SGCZ: variants seen among roughly 807,000 people sequenced by gnomAD.
SGCZ encodes sarcoglycan zeta, also known as zeta-sarcoglycan.
In SGCZ, 40 loss-of-function variants were observed where a neutral mutation model predicts 41.3. That is an observed-to-expected ratio of 0.97 (90% CI 0.75 to 1.26). The LOEUF is 1.26. SGCZ is among the 50% of genes most tolerant of loss of function. SGCZ has a pLI of 0.00. For synonymous variants in SGCZ, 206 were observed against 137.5 expected, an observed-to-expected ratio of 1.50 and a Z score of -3.49; for missense variants, 552 against 369.8, an observed-to-expected ratio of 1.49 and a Z score of -4.04.
At chr8:14,515,169 C>A (rs1453795651) in intron 2 of SGCZ, among the ~76,000 whole-genome samples, 2 of 151,926 alleles carry the variant, frequency 1.3e-5, no homozygotes, top group Admixed American at 6.6e-5. Flanking sequence ...CATTGCTTTA[C>A]ATGTCACTCC....
At chr8:14,707,830 C>T (rs962375613) in intron 1 of SGCZ, among the ~76,000 whole-genome samples, 1 of 151,988 alleles carries the variant, frequency 6.6e-6, no homozygotes, top group African/African-American at 2.4e-5. Flanking sequence ...TAATTTTTGA[C>T]ACAATTGAGT....
chr8:15,199,371 C>G (rs576241998), intron 1 of SGCZ, among the ~76,000 whole-genome samples: 7 of 152,232 alleles, frequency 4.6e-5, no homozygotes, highest in Non-Finnish European at 7.4e-5. Context: ...GTAATTTAAT[C>G]CCCCATTAAA....
chr8:14,243,600 T>C (rs1798969263), intron 3 of SGCZ, among the ~76,000 whole-genome samples: 1 of 152,178 alleles, frequency 6.6e-6, no homozygotes, highest in African/African-American at 2.4e-5. Context: ...TATCTCTACT[T>C]CACCTCACTT....
intron 1 of SGCZ, among the ~76,000 whole-genome samples, chr8:14,576,075 C>T (rs765074487): frequency 2.6e-5 from 4 of 152,110 alleles, no homozygotes; most frequent in East Asian, 1.9e-4. Flanking sequence ...AAGTCATGCT[C>T]ACAAGCATAA....
intron 2 of SGCZ, among the ~76,000 whole-genome samples, chr8:14,495,563 C>T (rs550286320): frequency 1.3e-5 from 2 of 152,180 alleles, no homozygotes; most frequent in South Asian, 4.1e-4. Context: ...CAATAGTGTA[C>T]ATTTGACCCT....
chr8:14,172,780 T>C lies in SGCZ; in HGVS notation c.425-8078A>G, dbSNP rs189783851. On this transcript the variant is annotated intron_variant, in intron 4 of 7. Coordinates refer to ENST00000382080, the MANE Select transcript of SGCZ (RefSeq NM_139167.4). ...TCAGGAAATTGATATGGACAGAATT[T>C]GTGGGGCAATGAAACGGAGAAAGGG... Among the ~76,000 whole-genome samples, 75 of 152,168 alleles carry C rather than the reference T, an allele frequency of 4.9e-4. 1 individual carries two copies. The highest frequency in any genetic ancestry group is 6.5e-4 in the Non-Finnish European group (44 of 68,008).
intron 5 of SGCZ, among the ~76,000 whole-genome samples, chr8:14,157,163 A>T (rs888671682): frequency 6.6e-6 from 1 of 151,840 alleles, no homozygotes; most frequent in Admixed American, 6.6e-5. Flanking sequence ...TGCTTATGAC[A>T]TCACTAGGTG....
chr8:15,106,656 C>T (rs963209212), intron 1 of SGCZ, among the ~76,000 whole-genome samples: 4 of 151,990 alleles, frequency 2.6e-5, no homozygotes, highest in Admixed American at 1.3e-4. Flanking sequence ...ATTTCTTGGA[C>T]TTTACATGTT....
Position 14,127,478 on chromosome 8 carries a change from C to G in SGCZ, c.548-19243G>C, listed in dbSNP as rs1824743. 2.6e-5 allele frequency among the ~76,000 whole-genome samples: 4 copies of G among 151,860 alleles called. No individual in the cohort carries two copies. The East Asian group carries it at 5.8e-4, about 22-fold the overall frequency. ...TTTCTATTTATTTATTTTTTTGATA[C>G]TGAGTCTCACTGTGTCACCCAGGCT... On this transcript the variant is annotated intron_variant, in intron 5 of 7. Transcript: ENST00000382080.
intron 1 of SGCZ, among the ~76,000 whole-genome samples, chr8:14,662,808 G>A (rs2117487226): frequency 6.6e-6 from 1 of 152,300 alleles, no homozygotes; most frequent in Non-Finnish European, 1.5e-5. Flanking sequence ...GGAAGAAGAG[G>A]TAGAAGAGTG....
intron 1 of SGCZ, among the ~76,000 whole-genome samples, chr8:14,680,560 A>C (rs1232394154): frequency 7.0e-6 from 1 of 143,556 alleles, no homozygotes; most frequent in African/African-American, 2.5e-5. Context: ...GGAGCAAGAA[A>C]TCTCACAGAT....
At position 14,995,962 on chromosome 8, in the gene SGCZ, G is replaced by T. The variant is rs1003584884; in HGVS notation, c.39+241623C>A. Among the ~76,000 whole-genome samples the T allele has an allele frequency of 2.0e-4, 31 of 151,924 alleles. 1 individual carries two copies. The highest frequency in any genetic ancestry group is 5.9e-5 in the Non-Finnish European group (4 of 67,986). On this transcript the variant is annotated intron_variant, in intron 1 of 7. Transcript: ENST00000382080. The stretch of plus-strand genomic sequence containing the variant: ...TCTGTTGTCCGGGGTGGAGTGCAGT[G>T]GTGTGATCTCGCCTCACTGCAACCT...
intron 4 of SGCZ, among the ~76,000 whole-genome samples, chr8:14,220,811 T>C (rs374193369): frequency 1.4e-5 from 1 of 70,218 alleles, no homozygotes. Flanking sequence ...ACAAACAAAA[T>C]AATCGGACCT....
chr8:14,838,515 T>G (rs1221584315), intron 1 of SGCZ, among the ~76,000 whole-genome samples: 3 of 152,110 alleles, frequency 2.0e-5, no homozygotes, highest in Non-Finnish European at 4.4e-5. Flanking sequence ...TACAACTAGG[T>G]AGCAGCACCC....
At chr8:14,456,670 A>G (rs956517799) in intron 2 of SGCZ, among the ~76,000 whole-genome samples, 9 of 152,136 alleles carry the variant, frequency 5.9e-5, no homozygotes, top group African/African-American at 2.2e-4. Flanking sequence ...TTGGAATGAA[A>G]AGGAACTGTA....
chr8:14,196,541 A>G (rs79103488), intron 4 of SGCZ, among the ~76,000 whole-genome samples: 5,926 of 152,302 alleles, frequency 0.039, 126 homozygotes, highest in Middle Eastern at 0.068. Flanking sequence ...CTAGCTATCA[A>G]TGCAAGAGAA....
At chr8:14,759,820 C>G (rs1799804800) in intron 1 of SGCZ, among the ~76,000 whole-genome samples, 1 of 152,158 alleles carries the variant, frequency 6.6e-6, no homozygotes, top group Non-Finnish European at 1.5e-5. Context: ...GGTGCCTTCA[C>G]ACAACTAGAT....
chr8:14,472,970 G>C (rs1306656702), intron 2 of SGCZ, among the ~76,000 whole-genome samples: 3 of 152,046 alleles, frequency 2.0e-5, no homozygotes, highest in Admixed American at 6.6e-5. Context: ...AGACCCGGTT[G>C]GTGTTAACTG....
At chr8:14,412,626 C>G (rs1003099367) in intron 2 of SGCZ, among the ~76,000 whole-genome samples, 2 of 152,024 alleles carry the variant, frequency 1.3e-5, no homozygotes, top group African/African-American at 4.8e-5. Flanking sequence ...AGTAACCTAA[C>G]CTTTTAATCT....
Sources: gnomAD v4.1 joint callset for allele counts (sites outside exome capture counted in the v4.1 genomes callset) on GRCh38, gnomAD v4.1.1 for gene constraint, MANE v1.5 for transcripts, NCBI Gene and HGNC (gene_info 2026-07-23, HGNC 2026-07-21) for gene names.